PTPRB: variants seen among roughly 807,000 people sequenced by gnomAD.
PTPRB encodes the protein protein tyrosine phosphatase receptor type B, also known as receptor-type tyrosine-protein phosphatase beta.
A neutral mutation model predicts 238.1 loss-of-function variants in PTPRB; 97 were observed. That is an observed-to-expected ratio of 0.41 (90% CI 0.35 to 0.48). The LOEUF (loss-of-function observed/expected upper bound fraction) is 0.48. Ranked by LOEUF, PTPRB falls within the 20% of genes least tolerant of loss-of-function variation. PTPRB has a pLI of 0.30. For missense variants in PTPRB, 2,292 were observed against 2,681.9 expected, an observed-to-expected ratio of 0.85 and a Z score of 3.21; for synonymous variants, 970 against 995.4, an observed-to-expected ratio of 0.97 and a Z score of 0.48.
At position 70,590,093 on chromosome 12, in the gene PTPRB, T is replaced by G. The variant is rs748645985; in HGVS notation, c.1921A>C (p.Thr641Pro). Residue 641 changes from threonine to proline, a missense_variant, in exon 8 of 34, where the codon ACT becomes CCT. Physicochemically the swap from Thr to Pro is conservative, Grantham distance 38. Coordinates refer to ENST00000334414, the MANE Select transcript of PTPRB (RefSeq NM_001109754.4). ...TACTGTGTTTCTTCCTTTCCCACAG[T>G]GATGTTGAGCAGCACCACAGAATCA... is the stretch of plus-strand genomic sequence containing the variant. Reference protein sequence around the residue: ...FNDSVVLLNITVGKEETQYVM... With the variant: ...FNDSVVLLNIPVGKEETQYVM... 5.6e-6 allele frequency: 9 copies of G among 1,613,984 alleles called. No homozygotes were observed. Among genetic ancestry groups the G allele is most frequent in the Non-Finnish European group, 7.6e-6 (9 of 1,179,886 alleles).
chr12:70,551,025 A>G (rs1876799684), intron 21 of PTPRB, among the ~76,000 whole-genome samples: 1 of 152,084 alleles, frequency 6.6e-6, no homozygotes, highest in South Asian at 2.1e-4. Context: ...CTTCCCAAGT[A>G]GCTGGGATTA....
chr12:70,613,464 C>T (rs1258403914), intron 3 of PTPRB, among the ~76,000 whole-genome samples: 1 of 152,062 alleles, frequency 6.6e-6, no homozygotes. Flanking sequence ...CTGTCATTTC[C>T]TCTTCTTCAG....
At position 70,635,812 on chromosome 12, in the gene PTPRB, C is replaced by T. The variant is rs773253638; in HGVS notation, c.310G>A (p.Val104Met). 1.9e-6 allele frequency: 3 copies of T among 1,613,630 alleles called. No individual in the cohort carries two copies. The highest frequency in any genetic ancestry group is 1.1e-5 in the South Asian group (1 of 91,018). Residue 104 changes from valine (V) to methionine (M), a missense_variant, in exon 2 of 34, where the codon GTG (valine) becomes ATG (methionine). This residue lies in a region of PTPRB where 1,205 missense variants were observed against 1,287.8 expected (regional missense o/e 0.94). Transcript: ENST00000334414. ...TCYDQEGFLE[V>M]ENASLFLQKQ... ...TGGAGAAAGAGAGAGGCATTTTCCA[C>T]CTCAAGGAAGCCTTCCTGATCATAG...
intron 9 of PTPRB, among the ~76,000 whole-genome samples, chr12:70,583,996 A>G (rs1444486012): frequency 6.6e-6 from 1 of 152,166 alleles, no homozygotes; most frequent in Non-Finnish European, 1.5e-5. Flanking sequence ...TATCAGACAT[A>G]GGATGGAAAA....
rs1193035133 is a variant in PTPRB at position 70,566,457 on chromosome 12, T to C, written c.3882A>G (p.Glu1294=). ...LTVSGGLFSK[E]AQTEGRTVPA... ...TACCTGTTCGGCCTTCAGTCTGGGC[T>C]TCCTTGCTAAAGAGGCCTCCACTGA... The change falls in exon 15 of 34, where the codon GAA becomes GAG. Residue 1294 remains glutamate (E), a synonymous_variant. Coordinates refer to ENST00000334414, the MANE Select transcript of PTPRB (RefSeq NM_001109754.4). 1.2e-6 allele frequency: 2 copies of C among 1,613,812 alleles called. No homozygotes were observed. The highest frequency in any genetic ancestry group is 1.7e-6 in the Non-Finnish European group (2 of 1,179,860).
chr12:70,540,862 C>G lies in PTPRB; in HGVS notation c.5590G>C (p.Val1864Leu). 6.3e-7 allele frequency: 1 copy of G among 1,596,398 alleles called. No individual in the cohort carries two copies. The highest frequency in any genetic ancestry group is 8.5e-7 in the Non-Finnish European group (1 of 1,171,070). Residue 1864 changes from valine to leucine, a missense_variant, in exon 23 of 34, where the codon GTG (valine) becomes CTG (leucine). Physicochemically the swap from Val to Leu is conservative, Grantham distance 32. Transcript: ENST00000334414. Reference sequence around the variant, plus strand: ...CAAAAGGATCTTTGTACTTACCTCACTTTCTGTCTGCAGATCAATAAGGCA... The same window carrying G: ...CAAAAGGATCTTTGTACTTACCTCAGTTTCTGTCTGCAGATCAATAAGGCA... The part of the protein sequence containing the change: ...VVALLICRQK[V>L]SHGRERPSAR...
chr12:70,595,345 T>C (rs969181395), intron 5 of PTPRB, among the ~76,000 whole-genome samples: 1 of 152,088 alleles, frequency 6.6e-6, no homozygotes, highest in Non-Finnish European at 1.5e-5. Context: ...AAATATCTAA[T>C]GTAGATGATG....
chr12:70,610,536 T>C (rs575126229), intron 3 of PTPRB, among the ~76,000 whole-genome samples: 1 of 152,240 alleles, frequency 6.6e-6, no homozygotes, highest in Non-Finnish European at 1.5e-5. Flanking sequence ...CACTCTTTCC[T>C]GAAGTCTTTT....
Position 70,555,323 on chromosome 12 carries a change from T to C in PTPRB, c.4994-14A>G, listed in dbSNP as rs1419779464. Reference sequence around the variant, plus strand: ...GAGGAGGGGGGCCTGGAAAAAGAGGTGGGGAAGGAACCAAGAGGGGTCACA... The same window carrying C: ...GAGGAGGGGGGCCTGGAAAAAGAGGCGGGGAAGGAACCAAGAGGGGTCACA... On this transcript the variant is annotated splice_polypyrimidine_tract_variant and intron_variant, in intron 19 of 33. Coordinates refer to ENST00000334414, the MANE Select transcript of PTPRB (RefSeq NM_001109754.4). 1 of 1,605,438 alleles carries C rather than the reference T, an allele frequency of 6.2e-7. No individual in the cohort carries two copies. Among genetic ancestry groups the C allele is most frequent in the Admixed American group, 1.7e-5 (1 of 58,944 alleles).
chr12:70,534,678 G>A, intron 30 of PTPRB, 27 bp from the exon 31 acceptor site: 1 of 1,608,532 alleles, frequency 6.2e-7, no homozygotes, highest in African/African-American at 1.3e-5. Flanking sequence ...CAGGATAAAA[G>A]AGGAACTGTC....
intron 1 of PTPRB, 68 bp downstream of exon 1, chr12:70,637,273 C>T: frequency 3.5e-6 from 5 of 1,437,556 alleles, no homozygotes; most frequent in Non-Finnish European, 4.8e-6. Flanking sequence ...TCAGACACTT[C>T]AAAGACCAGG....
chr12:70,522,805 T>A (rs2136192347), intron 33 of PTPRB, among the ~76,000 whole-genome samples: 1 of 152,200 alleles, frequency 6.6e-6, no homozygotes, highest in East Asian at 1.9e-4. Flanking sequence ...TACATCCTGC[T>A]TTTCTTTATT....
chr12:70,538,221 C>A lies in PTPRB; in HGVS notation c.5880G>T (p.Thr1960=). The change falls in exon 28 of 34, where the codon ACG becomes ACT. Residue 1960 remains threonine, a synonymous_variant. Transcript: ENST00000334414. ...RYNNILPYDA[T]RVKLSNVDDD... ...CATCTACATTGGAGAGCTTCACTCG[C>A]GTGGCATCATCTGGAAGGAGAGATT... 1 of 1,613,282 alleles carries A rather than the reference C, an allele frequency of 6.2e-7. No individual in the cohort carries two copies. The highest frequency in any genetic ancestry group is 1.7e-4 in the Middle Eastern group (1 of 6,058).
intron 2 of PTPRB, among the ~76,000 whole-genome samples, chr12:70,629,870 C>T (rs944005046): frequency 1.3e-5 from 2 of 152,140 alleles, no homozygotes; most frequent in Non-Finnish European, 2.9e-5. Context: ...TTCCTGGACT[C>T]ATAATGTGTC....
chr12:70,632,019 G>A (rs1244956532), intron 2 of PTPRB, among the ~76,000 whole-genome samples: 2 of 152,156 alleles, frequency 1.3e-5, no homozygotes, highest in Non-Finnish European at 2.9e-5. Context: ...AGACAGTGTG[G>A]TGATTCTTCA....
At chr12:70,551,147 C>T (rs1244797513) in intron 21 of PTPRB, among the ~76,000 whole-genome samples, 5 of 152,324 alleles carry the variant, frequency 3.3e-5, no homozygotes, top group South Asian at 2.1e-4. Flanking sequence ...TCGCCCACCT[C>T]GGCCTCCCAA....
At chr12:70,553,625 T>C (rs1278168388) in intron 20 of PTPRB, among the ~76,000 whole-genome samples, 1 of 152,218 alleles carries the variant, frequency 6.6e-6, no homozygotes, top group East Asian at 1.9e-4. Flanking sequence ...CTGTGTGTTT[T>C]GGCACTGCAA....
chr12:70,551,927 G>T (rs1242171131), intron 21 of PTPRB, among the ~76,000 whole-genome samples: 1 of 152,102 alleles, frequency 6.6e-6, no homozygotes, highest in African/African-American at 2.4e-5. Context: ...CCAGACAGCT[G>T]CTCCTTTTCA....
At chr12:70,570,231 G>A (rs1048048619) in intron 13 of PTPRB, among the ~76,000 whole-genome samples, 4 of 152,120 alleles carry the variant, frequency 2.6e-5, no homozygotes. Flanking sequence ...ACTAGCTGTG[G>A]GACTACAGGC....
Sources: allele counts gnomAD v4.1 joint callset (sites outside exome capture counted in the v4.1 genomes callset), GRCh38; gene constraint gnomAD v4.1.1; regional missense constraint gnomAD v4.1.1; transcripts MANE v1.5; gene names NCBI Gene and HGNC (gene_info 2026-07-23, HGNC 2026-07-21).